Variants in SEPTIN3 observed in about 807,000 individuals in gnomAD.
SEPTIN3 encodes septin 3.
Under a neutral mutation model 45.1 loss-of-function variants are expected in SEPTIN3, and 15 were observed. The ratio of observed to expected loss-of-function variants is 0.33; its 90% CI spans 0.22 to 0.51. The LOEUF is 0.51. Among genes scored for constraint, SEPTIN3 ranks in the 20% least tolerant of loss-of-function variants. The pLI is 0.97. For missense variants in SEPTIN3, 289 were observed against 457.2 expected, an observed-to-expected ratio of 0.63 and a Z score of 3.35; for synonymous variants, 148 against 164.8, an observed-to-expected ratio of 0.90 and a Z score of 0.78.
intron 7 of SEPTIN3, among the ~76,000 whole-genome samples, chr22:41,990,745 CAAAAAAAA>C (rs71184855): frequency 1.7e-4 from 16 of 96,550 alleles, no homozygotes; most frequent in Admixed American, 3.7e-4. Flanking sequence ...CACTCTATCT[CAAAAAAAA>C]AAAAAAAAAA....
chr22:41,971,333 C>A (rs2077956346), intron 1 of SEPTIN3, 141 bp from the exon 2 acceptor site: 1 of 397,350 alleles, frequency 2.5e-6, no homozygotes, highest in African/African-American at 2.1e-5. Context: ...ATGCATCCTC[C>A]ACTAAGGACT....
chr22:41,997,148 C>T lies in SEPTIN3; in HGVS notation c.*181C>T. The T allele has an allele frequency of 4.2e-6, 5 of 1,185,262 alleles. No individual in the cohort carries two copies. The highest frequency in any genetic ancestry group is 4.6e-6 in the Non-Finnish European group (4 of 862,288). The allele number at this position is 1,185,262 out of a possible 1,614,324, so 73.4% of individuals were successfully genotyped here. On this transcript the variant is annotated 3_prime_UTR_variant, in exon 12 of 12. Coordinates refer to ENST00000644076, the MANE Select transcript of SEPTIN3 (RefSeq NM_001363845.2). ...CATCCTCCATTTATCCAAACCACTCCTCTCCTCCCAGTGGAGTGGGGTTCT... is the reference window on the plus strand; with the variant it reads ...CATCCTCCATTTATCCAAACCACTCTTCTCCTCCCAGTGGAGTGGGGTTCT...
At chr22:41,995,202 A>G in intron 11 of SEPTIN3, 1 of 1,011,390 alleles carries the variant, frequency 9.9e-7, no homozygotes, top group South Asian at 4.2e-5. Flanking sequence ...ATGGCAGTGG[A>G]GCTAGACCTG....
rs1419765940 is a variant in SEPTIN3 at position 41,997,525 on chromosome 22, G to A, written c.*558G>A. 1 of 152,528 alleles carries A rather than the reference G, an allele frequency of 6.6e-6. No individual in the cohort carries two copies. Among genetic ancestry groups the A allele is most frequent in the Non-Finnish European group, 1.5e-5 (1 of 68,192 alleles). 9.4% of individuals were successfully genotyped at this position (152,528 alleles called of 1,614,324 possible). On this transcript the variant is annotated 3_prime_UTR_variant, in exon 12 of 12. Transcript: ENST00000644076. ...ATCACTTTTTAAAAAATCACCACTT[G>A]TGGCTGTCCCAGAGTGCGGTTGTAC...
chr22:41,977,179 C>T (rs1043802711), intron 2 of SEPTIN3: 2 of 1,174,946 alleles, frequency 1.7e-6, no homozygotes, highest in Non-Finnish European at 2.3e-6. Flanking sequence ...CCGAGGAGCC[C>T]ACGCGCGGTG....
chr22:41,987,929 C>T (rs1423789195), intron 6 of SEPTIN3, among the ~76,000 whole-genome samples, 170 bp downstream of exon 6: 1 of 152,028 alleles, frequency 6.6e-6, no homozygotes, highest in Non-Finnish European at 1.5e-5. Flanking sequence ...TTGGGATTCC[C>T]TAGACTTTCC....
chr22:41,995,466 C>T, intron 11 of SEPTIN3: 1 of 985,580 alleles, frequency 1.0e-6, no homozygotes, highest in Non-Finnish European at 1.2e-6. Context: ...GCTGCCAGGC[C>T]ACTGCCTGTC....
rs78845485 is a variant in SEPTIN3 at position 41,996,148 on chromosome 22, T to G, written c.2506-754T>G. 1.3e-3 allele frequency: 1,279 copies of G among 985,316 alleles called. 39 individuals carry two copies. The East Asian group carries it at 0.063, about 48-fold the overall frequency. The allele number at this position is 985,316 out of a possible 1,614,324, so 61.0% of individuals were successfully genotyped here. On this transcript the variant is annotated intron_variant, in intron 11 of 11. Transcript: ENST00000644076. Reference sequence around the variant, plus strand: ...TTCCCTAATTCCCTCTCCTCCTGACTCCTGTAGACATTCCCAATGATACCC... The same window carrying G: ...TTCCCTAATTCCCTCTCCTCCTGACGCCTGTAGACATTCCCAATGATACCC...
At chr22:41,996,176 C>T (rs758850333) in intron 11 of SEPTIN3, 97 of 985,170 alleles carry the variant, frequency 9.8e-5, no homozygotes, top group Non-Finnish European at 1.1e-4. Context: ...TGATACCCAC[C>T]GTCATACATT....
chr22:41,992,625 G>A (rs758101340), intron 8 of SEPTIN3, 39 bp from the exon 9 acceptor site: 25 of 1,373,624 alleles, frequency 1.8e-5, no homozygotes, highest in Non-Finnish European at 2.2e-5. Context: ...GGAGGATGAC[G>A]GTGCACATGT....
rs550197063 is a variant in SEPTIN3 at position 41,973,137 on chromosome 22, G to C, written c.1504+141G>C. On this transcript the variant is annotated intron_variant, in intron 2 of 11. Transcript: ENST00000644076. ...AGGGTTGAATGGGTTGGGAGAAAAG[G>C]AAATGGGGGTTGTAGGGCCAGACAT... 44 of 396,770 alleles carry C rather than the reference G, an allele frequency of 1.1e-4. 1 individual carries two copies. In the Middle Eastern group the frequency reaches 1.9e-3, roughly 17 times the overall value. The allele number at this position is 396,770 out of a possible 1,614,324, so 24.6% of individuals were successfully genotyped here. A position where few individuals can be genotyped will look rare whatever the true frequency, so the allele number is the denominator to read the frequency against.
rs111329481 is a variant in SEPTIN3 at position 41,975,927 on chromosome 22, A to G, written c.1504+2931A>G. Among the ~76,000 whole-genome samples, 404 of 152,236 alleles carry G rather than the reference A, an allele frequency of 2.7e-3. 1 individual carries two copies. The highest frequency in any genetic ancestry group is 9.2e-3 in the African/African-American group (382 of 41,534). On this transcript the variant is annotated intron_variant, in intron 2 of 11. Transcript: ENST00000644076. ...TGACTCACCATTACCTTCCATTAAA[A>G]TCCAGCTTCCAAGGCTGCGTGCGGA...
At chr22:41,991,815 G>A (rs540516780) in intron 8 of SEPTIN3, 147 bp downstream of exon 8, 3 of 674,872 alleles carry the variant, frequency 4.4e-6, no homozygotes, top group Non-Finnish European at 5.4e-6. Flanking sequence ...GGGGGATGGG[G>A]AGGACTATGG....
chr22:41,978,247 A>G (rs1361693485), intron 2 of SEPTIN3, among the ~76,000 whole-genome samples: 1 of 152,036 alleles, frequency 6.6e-6, no homozygotes, highest in Admixed American at 6.5e-5. Flanking sequence ...TACCTGCCTC[A>G]CTCTGAAGTT....
At chr22:41,983,858 C>G (rs1300020454) in intron 3 of SEPTIN3, among the ~76,000 whole-genome samples, 1 of 152,176 alleles carries the variant, frequency 6.6e-6, no homozygotes, top group Non-Finnish European at 1.5e-5. Flanking sequence ...TTTGGTCACT[C>G]TCACACTAAG....
rs750587107 is a variant in SEPTIN3, at chr22:41,989,691, A to G, written c.2163+7A>G. 9 of 1,553,560 alleles carry G rather than the reference A, an allele frequency of 5.8e-6. No homozygotes were observed. The East Asian group carries it at 1.6e-4, about 27-fold the overall frequency. ...GTCTGAATTCAAGCAAAGGGTGAGA[A>G]GGCCCCCTGTCTTCTTTTCCTGTTC... On this transcript the variant is annotated splice_region_variant and intron_variant, in intron 7 of 11. Transcript: ENST00000644076.
intron 9 of SEPTIN3, among the ~76,000 whole-genome samples, chr22:41,993,284 A>G (rs1354546584): frequency 6.6e-6 from 1 of 152,170 alleles, no homozygotes; most frequent in East Asian, 1.9e-4. Flanking sequence ...AGCCTTGTCC[A>G]AAGCACATAA....
At chr22:41,990,198 G>A (rs1286934055) in intron 7 of SEPTIN3, among the ~76,000 whole-genome samples, 1 of 151,714 alleles carries the variant, frequency 6.6e-6, no homozygotes, top group Non-Finnish European at 1.5e-5. Flanking sequence ...CCACCACCAC[G>A]CCTGGCTAAT....
intron 9 of SEPTIN3, among the ~76,000 whole-genome samples, chr22:41,993,470 G>A (rs1250150498): frequency 1.3e-5 from 2 of 151,952 alleles, no homozygotes; most frequent in Non-Finnish European, 2.9e-5. Flanking sequence ...GACTACAGGT[G>A]CGGACCCCGA....
Sources: gnomAD v4.1 joint callset for allele counts (sites outside exome capture counted in the v4.1 genomes callset) on GRCh38, gnomAD v4.1.1 for gene constraint, MANE v1.5 for transcripts, NCBI Gene and HGNC (gene_info 2026-07-23, HGNC 2026-07-21) for gene names.